Variants in ASIC2 observed in about 807,000 individuals in gnomAD.
ASIC2 encodes acid sensing ion channel subunit 2.
A neutral mutation model predicts 57.3 loss-of-function variants in ASIC2; 25 were observed. The ratio of observed to expected loss-of-function variants is 0.44; its 90% CI spans 0.32 to 0.61. The LOEUF is 0.61. Ranked by LOEUF, ASIC2 falls within the 20% of genes least tolerant of loss-of-function variation. The pLI, the probability that ASIC2 is intolerant of heterozygous loss-of-function variation, is 0.06. For missense variants in ASIC2, 641 were observed against 738.1 expected (o/e 0.87, Z 1.52); for synonymous variants, 319 against 307.5 (o/e 1.04, Z -0.39).
intron 1 of ASIC2, among the ~76,000 whole-genome samples, chr17:33,355,057 A>G (rs1054054861): frequency 6.6e-6 from 1 of 152,188 alleles, no homozygotes; most frequent in African/African-American, 2.4e-5. Flanking sequence ...AAGTGTGGGT[A>G]TGTGTATATT....
At chr17:34,106,587 TCTAC>T (rs1472288335) in intron 1 of ASIC2, among the ~76,000 whole-genome samples, 5 of 152,160 alleles carry the variant, frequency 3.3e-5, no homozygotes, top group African/African-American at 1.2e-4. Flanking sequence ...AATAAATGTG[TCTAC>T]CTACCTAATG....
chr17:33,450,097 A>T (rs1912190209), intron 1 of ASIC2, among the ~76,000 whole-genome samples: 1 of 152,200 alleles, frequency 6.6e-6, no homozygotes, highest in African/African-American at 2.4e-5. Flanking sequence ...TTGCAGCATT[A>T]CTGAATAAGC....
intron 1 of ASIC2, among the ~76,000 whole-genome samples, chr17:34,094,453 G>C (rs1317088239): frequency 6.6e-6 from 1 of 152,188 alleles, no homozygotes; most frequent in African/African-American, 2.4e-5. Flanking sequence ...GCAGGACGCT[G>C]ACTCCTCAAT....
intron 1 of ASIC2, among the ~76,000 whole-genome samples, chr17:33,419,346 C>T (rs745585798): frequency 1.3e-5 from 2 of 152,166 alleles, no homozygotes; most frequent in African/African-American, 4.8e-5. Context: ...TCAAGAGGTA[C>T]GCCCATTGAG....
chr17:33,165,970 G>T (rs189853698), intron 1 of ASIC2, among the ~76,000 whole-genome samples: 1 of 152,180 alleles, frequency 6.6e-6, no homozygotes, highest in Admixed American at 6.5e-5. Flanking sequence ...ATACATTAAA[G>T]AATAAAAGAC....
intron 1 of ASIC2, among the ~76,000 whole-genome samples, chr17:33,364,620 T>C (rs1431542296): frequency 6.6e-6 from 1 of 152,186 alleles, no homozygotes; most frequent in Non-Finnish European, 1.5e-5. Flanking sequence ...CTTGTGAAGA[T>C]GTGCTTGCTT....
At chr17:33,752,771 T>C (rs1356775880) in intron 1 of ASIC2, among the ~76,000 whole-genome samples, 2 of 152,136 alleles carry the variant, frequency 1.3e-5, no homozygotes, top group African/African-American at 4.8e-5. Context: ...CCTCTGACAA[T>C]GGCTAAAATC....
intron 1 of ASIC2, among the ~76,000 whole-genome samples, chr17:33,237,892 C>CG (rs1908355260): frequency 6.6e-6 from 1 of 152,306 alleles, no homozygotes; most frequent in Admixed American, 6.5e-5. Context: ...TGCTCCATCT[C>CG]TCACTAACCA....
chr17:33,242,939 G>A (rs2142121632), intron 1 of ASIC2, among the ~76,000 whole-genome samples: 1 of 152,298 alleles, frequency 6.6e-6, no homozygotes, highest in East Asian at 1.9e-4. Flanking sequence ...CCTCACTCCT[G>A]CACACCAGCC....
intron 1 of ASIC2, among the ~76,000 whole-genome samples, chr17:34,114,535 G>C (rs1441501388): frequency 4.6e-5 from 7 of 152,134 alleles, no homozygotes; most frequent in African/African-American, 1.7e-4. Flanking sequence ...GTGTGTTTTT[G>C]GCAACATTCC....
chr17:33,278,002 A>G (rs1186911866), intron 1 of ASIC2, among the ~76,000 whole-genome samples: 4 of 152,246 alleles, frequency 2.6e-5, no homozygotes, highest in Admixed American at 2.0e-4. Context: ...TGTGGGAAGG[A>G]AGAAGACAGA....
intron 2 of ASIC2, among the ~76,000 whole-genome samples, chr17:33,095,755 C>T (rs1470910118): frequency 6.6e-6 from 1 of 152,178 alleles, no homozygotes; most frequent in African/African-American, 2.4e-5. Context: ...CTGGACCATC[C>T]CCTGAAGGGC....
chr17:33,280,680 G>C (rs942870614), intron 1 of ASIC2, among the ~76,000 whole-genome samples: 3 of 152,224 alleles, frequency 2.0e-5, no homozygotes, highest in South Asian at 4.1e-4. Context: ...AGCGTAAAGA[G>C]ATAGTGTAAA....
At chr17:33,687,931 G>C (rs1454873372) in intron 1 of ASIC2, among the ~76,000 whole-genome samples, 1 of 152,186 alleles carries the variant, frequency 6.6e-6, no homozygotes, top group African/African-American at 2.4e-5. Context: ...AAAGTCACTA[G>C]TATTTGTGGG....
At chr17:33,985,784 T>C (rs117853056) in intron 1 of ASIC2, among the ~76,000 whole-genome samples, 1 of 152,204 alleles carries the variant, frequency 6.6e-6, no homozygotes. Flanking sequence ...AAGCTGGTAA[T>C]GTAGAAGTCT....
chr17:33,548,500 C>T (rs202194408), intron 1 of ASIC2, among the ~76,000 whole-genome samples: 10 of 152,098 alleles, frequency 6.6e-5, no homozygotes, highest in African/African-American at 2.2e-4. Context: ...GAAGTCAGAG[C>T]GAGCAAATGA....
At chr17:33,282,479 G>GTGTGTGCT (rs1555592667) in intron 1 of ASIC2, among the ~76,000 whole-genome samples, 16,173 of 146,788 alleles carry the variant, frequency 0.11, 975 homozygotes, top group East Asian at 0.3. Context: ...GTGTGTGCTT[G>GTGTGTGCT]TGTGTGTGTG....
intron 1 of ASIC2, among the ~76,000 whole-genome samples, chr17:33,863,700 A>C (rs1932699): frequency 0.28 from 42,702 of 152,096 alleles, 6,194 homozygotes; most frequent in African/African-American, 0.31. Flanking sequence ...CTGTCAGTCC[A>C]TCTGGTATTG....
intron 1 of ASIC2, among the ~76,000 whole-genome samples, chr17:33,248,563 G>A (rs559838761): frequency 6.6e-6 from 1 of 152,262 alleles, no homozygotes; most frequent in African/African-American, 2.4e-5. Context: ...AAGTTCTAGA[G>A]GCCACAGATC....
Sources: allele counts gnomAD v4.1 joint callset (sites outside exome capture counted in the v4.1 genomes callset), GRCh38; gene constraint gnomAD v4.1.1; transcripts MANE v1.5; gene names NCBI Gene and HGNC (gene_info 2026-07-23, HGNC 2026-07-21).